The following TPTE2 variants were observed in gnomAD, a reference collection of about 807,000 sequenced individuals.
TPTE2 encodes phosphatidylinositol 3,4,5-trisphosphate 3-phosphatase TPTE2.
A neutral mutation model predicts 78.6 loss-of-function variants in TPTE2; 53 were observed. That is an observed-to-expected ratio of 0.67 (90% CI 0.54 to 0.85). TPTE2 has a LOEUF of 0.85. Among genes scored for constraint, TPTE2 ranks in the 40% least tolerant of loss-of-function variants. TPTE2 has a pLI of 0.00. For synonymous variants in TPTE2, 175 were observed against 206.2 expected, an observed-to-expected ratio of 0.85 and a Z score of 1.30; for missense variants, 461 against 623.0, an observed-to-expected ratio of 0.74 and a Z score of 2.77.
chr13:19,527,064 G>A (rs2137734256), intron 1 of TPTE2, among the ~76,000 whole-genome samples: 1 of 152,190 alleles, frequency 6.6e-6, no homozygotes, highest in East Asian at 1.9e-4. Context: ...CCAGCACTTT[G>A]GGAGGCTAAA....
chr13:19,450,357 A>G lies in TPTE2; in HGVS notation c.803-13T>C, dbSNP rs1878100494. The G allele has an allele frequency of 1.2e-6, 2 of 1,601,286 alleles. No individual in the cohort carries two copies. Among genetic ancestry groups the G allele is most frequent in the Non-Finnish European group, 1.7e-6 (2 of 1,170,958 alleles). ...TAAGCTCTTTCACCTAAAATAAATAATATGTATGTCATATCTCTATAGGGA... is the reference window on the plus strand; with the variant it reads ...TAAGCTCTTTCACCTAAAATAAATAGTATGTATGTCATATCTCTATAGGGA... On this transcript the variant is annotated splice_polypyrimidine_tract_variant and intron_variant, in intron 11 of 19. Transcript: ENST00000400230.
At chr13:19,496,210 G>A (rs1404558307) in intron 1 of TPTE2, among the ~76,000 whole-genome samples, 2 of 152,156 alleles carry the variant, frequency 1.3e-5, no homozygotes, top group Non-Finnish European at 2.9e-5. Flanking sequence ...CCTTACAGAA[G>A]TCATGTGTGT....
At chr13:19,458,093 G>C (rs1436175367) in intron 10 of TPTE2, among the ~76,000 whole-genome samples, 1 of 152,068 alleles carries the variant, frequency 6.6e-6, no homozygotes, top group Admixed American at 6.5e-5. Context: ...TCTTCAATAA[G>C]TTTTAAGATG....
intron 1 of TPTE2, among the ~76,000 whole-genome samples, chr13:19,496,891 G>A (rs1881351798): frequency 1.3e-5 from 2 of 152,140 alleles, no homozygotes; most frequent in Admixed American, 1.3e-4. Context: ...GAGGTACTGG[G>A]TTCATCTCAC....
intron 13 of TPTE2, among the ~76,000 whole-genome samples, chr13:19,445,940 C>A (rs1877802619): frequency 6.6e-6 from 1 of 151,386 alleles, no homozygotes; most frequent in Non-Finnish European, 1.5e-5. Flanking sequence ...GACCTTATCT[C>A]AAAACAAAAA....
At chr13:19,492,255 A>T (rs567328742) in intron 3 of TPTE2, among the ~76,000 whole-genome samples, 5 of 152,034 alleles carry the variant, frequency 3.3e-5, no homozygotes, top group Non-Finnish European at 5.9e-5. Context: ...GCGGCATCCA[A>T]TGAGGTGGTG....
chr13:19,525,465 A>G (rs1870440182), intron 1 of TPTE2, among the ~76,000 whole-genome samples: 1 of 152,238 alleles, frequency 6.6e-6, no homozygotes, highest in Admixed American at 6.5e-5. Context: ...CCTACTCAAC[A>G]AATGGTGCTG....
chr13:19,550,386 G>T, the TPTE2 span, among the ~76,000 whole-genome samples: 1 of 152,156 alleles, frequency 6.6e-6, no homozygotes, highest in African/African-American at 2.4e-5. Flanking sequence ...TGCTTTCCTA[G>T]CACCCTGTTT....
At chr13:19,454,630 A>G (rs1878423261) in intron 10 of TPTE2, among the ~76,000 whole-genome samples, 1 of 152,218 alleles carries the variant, frequency 6.6e-6, no homozygotes, top group Non-Finnish European at 1.5e-5. Context: ...TACTCTGATT[A>G]AAAATGGTTA....
At chr13:19,492,800 G>T in intron 3 of TPTE2, 50 bp downstream of exon 6, 1 of 1,605,114 alleles carries the variant, frequency 6.2e-7, no homozygotes, top group Non-Finnish European at 8.5e-7. Flanking sequence ...TGTGTGTACA[G>T]CTCTATGCAC....
intron 15 of TPTE2, among the ~76,000 whole-genome samples, chr13:19,434,604 T>TCG: frequency 6.6e-6 from 1 of 151,164 alleles, no homozygotes; most frequent in Middle Eastern, 3.2e-3. Context: ...TTGTTTTGTT[T>TCG]TGTTTGGGGC....
intron 1 of TPTE2, among the ~76,000 whole-genome samples, chr13:19,528,231 T>TA (rs1870636110): frequency 6.6e-6 from 1 of 150,392 alleles, no homozygotes; most frequent in Non-Finnish European, 1.5e-5. Flanking sequence ...AAAAAAAATA[T>TA]AAAAAATTAG....
the TPTE2 span, among the ~76,000 whole-genome samples, chr13:19,548,216 C>T: frequency 6.6e-6 from 1 of 152,146 alleles, no homozygotes; most frequent in Admixed American, 6.5e-5. Flanking sequence ...CAAATTCAGT[C>T]ATTTTCACTT....
chr13:19,495,309 G>A (rs1435372740), intron 1 of TPTE2, among the ~76,000 whole-genome samples: 1 of 152,138 alleles, frequency 6.6e-6, no homozygotes, highest in Non-Finnish European at 1.5e-5. Context: ...TAATTCCAGG[G>A]TTATTAGCTC....
At chr13:19,525,344 C>T (rs919037101) in intron 1 of TPTE2, among the ~76,000 whole-genome samples, 2 of 152,158 alleles carry the variant, frequency 1.3e-5, no homozygotes, top group Non-Finnish European at 2.9e-5. Context: ...GGTACAAAAA[C>T]AGACACACAG....
intron 1 of TPTE2, among the ~76,000 whole-genome samples, chr13:19,515,215 A>C (rs1869718403): frequency 6.6e-6 from 1 of 152,230 alleles, no homozygotes; most frequent in African/African-American, 2.4e-5. Context: ...CGTTTAAATA[A>C]GTTTAAGAAA....
intron 1 of TPTE2, among the ~76,000 whole-genome samples, chr13:19,520,038 A>G (rs1870054457): frequency 6.6e-6 from 1 of 151,914 alleles, no homozygotes; most frequent in African/African-American, 2.4e-5. Flanking sequence ...TTTCATTTTG[A>G]GCCTACTCAT....
Position 19,483,183 on chromosome 13 carries a change from T to C in TPTE2, c.120-636A>G, listed in dbSNP as rs192675457. On this transcript the variant is annotated intron_variant, in intron 3 of 19. Transcript: ENST00000400230. Reference sequence around the variant, plus strand: ...GACTGATCAGAGTGGTGGTTGCCAATGGTTGGAGTGGCTGAGGCAATTTCT... The same window carrying C: ...GACTGATCAGAGTGGTGGTTGCCAACGGTTGGAGTGGCTGAGGCAATTTCT... Among the ~76,000 whole-genome samples, 1,058 of 152,304 alleles carry C rather than the reference T, an allele frequency of 6.9e-3. 11 individuals carry two copies. Among genetic ancestry groups the C allele is most frequent in the African/African-American group, 0.024 (1,010 of 41,568 alleles).
chr13:19,471,614 T>C (rs1397756596), intron 6 of TPTE2, among the ~76,000 whole-genome samples: 1 of 149,296 alleles, frequency 6.7e-6, no homozygotes, highest in Admixed American at 6.6e-5. Context: ...TCTATTTATA[T>C]CTTATTATAC....
Sources: allele counts gnomAD v4.1 joint callset (sites outside exome capture counted in the v4.1 genomes callset), GRCh38; gene constraint gnomAD v4.1.1; transcripts MANE v1.5; gene names NCBI Gene and HGNC (gene_info 2026-07-23, HGNC 2026-07-21).